The following RABGAP1L variants were observed in gnomAD, a reference collection of about 807,000 sequenced individuals.
The protein encoded by RABGAP1L is rab GTPase-activating protein 1-like.
Under a neutral mutation model 137.7 loss-of-function variants are expected in RABGAP1L, and 63 were observed. The observed-to-expected ratio is 0.46, with a 90% CI of 0.37 to 0.56. The LOEUF (loss-of-function observed/expected upper bound fraction) is 0.56, where lower values mean the gene tolerates loss of function less well. Among genes scored for constraint, RABGAP1L ranks in the 20% least tolerant of loss-of-function variants. The probability of loss-of-function intolerance (pLI) is 0.00; values close to 1 mark genes in which losing one functional copy is unlikely to be tolerated. For missense variants in RABGAP1L, 1,095 were observed against 1,244.0 expected, an observed-to-expected ratio of 0.88 and a Z score of 1.80; for synonymous variants, 431 against 433.7, an observed-to-expected ratio of 0.99 and a Z score of 0.08.
rs1668665162 is a variant in RABGAP1L at position 174,957,547 on chromosome 1, A to C, written c.2431A>C (p.Lys811Gln). The change falls in exon 20 of 26, where the codon AAG becomes CAG. Residue 811 changes from lysine (K) to glutamine (Q), a missense_variant and splice_region_variant. By Grantham distance (53) the Lys-to-Gln change is moderately conservative (BLOSUM62 1). Transcript: ENST00000681986. Reference sequence around the variant, plus strand: ...ACAGGAAGACCCAATGGATAGATACAAGGTATGAGAAATATGTTGCACCTA... The same window carrying C: ...ACAGGAAGACCCAATGGATAGATACCAGGTATGAGAAATATGTTGCACCTA... ...LQQEDPMDRY[K>Q]RENRRLQEAS... The C allele has an allele frequency of 6.3e-7, 1 of 1,597,050 alleles. No homozygotes were observed. Among genetic ancestry groups the C allele is most frequent in the African/African-American group, 1.3e-5 (1 of 74,472 alleles).
At chr1:174,268,547 G>A (rs1305493144) in intron 7 of RABGAP1L, among the ~76,000 whole-genome samples, 3 of 152,172 alleles carry the variant, frequency 2.0e-5, no homozygotes, top group African/African-American at 2.4e-5. Flanking sequence ...GCAAGAGAGC[G>A]TGTTCTTTTC....
intron 19 of RABGAP1L, among the ~76,000 whole-genome samples, chr1:174,905,851 A>C (rs1317162299): frequency 6.6e-6 from 1 of 152,094 alleles, no homozygotes; most frequent in Non-Finnish European, 1.5e-5. Flanking sequence ...ACTCTGTCTA[A>C]AAAAAGAAAA....
chr1:174,592,875 G>C (rs377181474), intron 13 of RABGAP1L, among the ~76,000 whole-genome samples: 40 of 72,014 alleles, frequency 5.6e-4, no homozygotes, highest in African/African-American at 7.8e-4. Flanking sequence ...CATAAAATGA[G>C]TTAGGGAGGA....
chr1:174,477,560 C>A (rs1658629496), intron 13 of RABGAP1L, among the ~76,000 whole-genome samples: 1 of 152,122 alleles, frequency 6.6e-6, no homozygotes, highest in African/African-American at 2.4e-5. Flanking sequence ...CTTTCTATAG[C>A]ATTGTTTTCA....
In RABGAP1L at chr1:174,962,194, A is replaced by ACCCCCCCCCCC. The variant is rs773567592; in HGVS notation, c.2433+4646_2433+4647insCCCCCCCCCCC. On this transcript the variant is annotated intron_variant, in intron 20 of 25. Coordinates refer to ENST00000681986, the MANE Select transcript of RABGAP1L (RefSeq NM_001366446.1). ...CGTCTCAAAAAATAAAAATAAAAAT[A>ACCCCCCCCCCC]CACCCCCCCCCCACACACACACACA... Among the ~76,000 whole-genome samples, 6 of 40,452 alleles carry ACCCCCCCCCCC rather than the reference A, an allele frequency of 1.5e-4. 2 individuals are homozygous for ACCCCCCCCCCC. The highest frequency in any genetic ancestry group is 8.5e-4 in the African/African-American group (5 of 5,912). The allele number at this position is 40,452 out of a possible 152,430, so 26.5% of individuals were successfully genotyped here. A position where few individuals can be genotyped will look rare whatever the true frequency, so the allele number is the denominator to read the frequency against.
At chr1:174,863,021 G>C (rs1183800830) in intron 19 of RABGAP1L, among the ~76,000 whole-genome samples, 1 of 151,158 alleles carries the variant, frequency 6.6e-6, no homozygotes, top group Admixed American at 6.6e-5. Flanking sequence ...CAGCCTCCCA[G>C]GTAGCTGGGA....
intron 14 of RABGAP1L, among the ~76,000 whole-genome samples, chr1:174,637,726 A>G (rs1214486851): frequency 3.9e-5 from 6 of 152,154 alleles, no homozygotes; most frequent in Non-Finnish European, 4.4e-5. Context: ...CTCTCCTGCT[A>G]ACAGGAAAGG....
At chr1:174,475,640 G>T (rs1320122917) in intron 13 of RABGAP1L, among the ~76,000 whole-genome samples, 2 of 151,928 alleles carry the variant, frequency 1.3e-5, no homozygotes, top group South Asian at 4.1e-4. Context: ...AGGAATGGTG[G>T]TTCACACATA....
intron 11 of RABGAP1L, among the ~76,000 whole-genome samples, chr1:174,355,677 A>G (rs931094524): frequency 6.6e-6 from 1 of 152,184 alleles, no homozygotes; most frequent in African/African-American, 2.4e-5. Flanking sequence ...TTCTTCAGAT[A>G]AGATGTTTGA....
chr1:174,875,718 G>A, intron 19 of RABGAP1L: 1 of 982,382 alleles, frequency 1.0e-6, no homozygotes, highest in South Asian at 4.7e-5. Flanking sequence ...TAAAAGGTAT[G>A]AACTGCCTGG....
At chr1:174,863,770 A>G (rs1302737881) in intron 19 of RABGAP1L, among the ~76,000 whole-genome samples, 1 of 152,076 alleles carries the variant, frequency 6.6e-6, no homozygotes, top group Admixed American at 6.6e-5. Context: ...TCATGAGGTC[A>G]AGAGTTCGAG....
chr1:174,824,417 C>T (rs1401812322), intron 19 of RABGAP1L, among the ~76,000 whole-genome samples: 1 of 152,058 alleles, frequency 6.6e-6, no homozygotes, highest in African/African-American at 2.4e-5. Context: ...GTCACTTGAA[C>T]CCAGGAGGGG....
chr1:174,626,624 T>A (rs1022600464), intron 13 of RABGAP1L, among the ~76,000 whole-genome samples: 1 of 152,098 alleles, frequency 6.6e-6, no homozygotes, highest in Non-Finnish European at 1.5e-5. Context: ...TTATTGAGGT[T>A]TTTTCCTTTG....
intron 1 of RABGAP1L, among the ~76,000 whole-genome samples, chr1:174,178,749 G>A (rs764491954): frequency 2.0e-5 from 3 of 152,106 alleles, no homozygotes; most frequent in South Asian, 2.1e-4. Flanking sequence ...ACCAAACACC[G>A]AATGTTCTCA....
At chr1:174,344,855 A>G (rs1051532595) in intron 11 of RABGAP1L, among the ~76,000 whole-genome samples, 4 of 152,092 alleles carry the variant, frequency 2.6e-5, no homozygotes, top group Non-Finnish European at 4.4e-5. Context: ...TACTCAATAA[A>G]TTGTTGCCCA....
chr1:174,946,980 G>GTGTGTGTGTGTGTGTGTGTGTA (rs770439099), intron 19 of RABGAP1L, among the ~76,000 whole-genome samples: 1 of 78,246 alleles, frequency 1.3e-5, no homozygotes, highest in Non-Finnish European at 2.3e-5. Context: ...GTGTGTGTGT[G>GTGTGTGTGTGTGTGTGTGTGTA]TATATATATG....
At chr1:174,453,688 G>T (rs1571881756) in intron 13 of RABGAP1L, among the ~76,000 whole-genome samples, 1 of 152,092 alleles carries the variant, frequency 6.6e-6, no homozygotes, top group Non-Finnish European at 1.5e-5. Context: ...GTAGAAAGTG[G>T]TAATCCTGTA....
At chr1:174,698,112 G>A (rs1261854295) in intron 15 of RABGAP1L, among the ~76,000 whole-genome samples, 5 of 152,140 alleles carry the variant, frequency 3.3e-5, no homozygotes, top group African/African-American at 9.7e-5. Context: ...TCTAACAAAT[G>A]TATGAAATAC....
intron 19 of RABGAP1L, among the ~76,000 whole-genome samples, chr1:174,855,759 G>A (rs943249296): frequency 4.6e-5 from 7 of 152,164 alleles, no homozygotes; most frequent in African/African-American, 1.4e-4. Context: ...AGATTAAAAG[G>A]TATTTTTGTG....
Sources: allele counts gnomAD v4.1 joint callset (sites outside exome capture counted in the v4.1 genomes callset), GRCh38; gene constraint gnomAD v4.1.1; transcripts MANE v1.5; gene names NCBI Gene and HGNC (gene_info 2026-07-23, HGNC 2026-07-21).